The following LRRTM3 variants were observed in gnomAD, a reference collection of about 807,000 sequenced individuals.
The protein encoded by LRRTM3 is leucine rich repeat transmembrane neuronal 3.
Under a neutral mutation model 44.7 loss-of-function variants are expected in LRRTM3, and 24 were observed. The ratio of observed to expected loss-of-function variants is 0.54; its 90% CI spans 0.39 to 0.76. LRRTM3 has a LOEUF of 0.76. LRRTM3 is among the 30% of genes least tolerant of loss of function. LRRTM3 has a pLI of 0.00. For missense variants in LRRTM3, 587 were observed against 702.2 expected (o/e 0.84, Z 1.85); for synonymous variants, 277 against 278.7 (o/e 0.99, Z 0.06).
chr10:67,037,943 G>A (rs1854164276), intron 2 of LRRTM3, among the ~76,000 whole-genome samples: 2 of 152,012 alleles, frequency 1.3e-5, no homozygotes. Flanking sequence ...ATTCAAACAG[G>A]AGGCAGAGAA....
At chr10:66,997,578 A>G (rs1564820978) in intron 2 of LRRTM3, among the ~76,000 whole-genome samples, 1 of 152,148 alleles carries the variant, frequency 6.6e-6, no homozygotes, top group East Asian at 1.9e-4. Flanking sequence ...ATGTAACTAA[A>G]TACTCCTATA....
chr10:66,981,386 G>A (rs562297438), intron 2 of LRRTM3, among the ~76,000 whole-genome samples: 14 of 152,306 alleles, frequency 9.2e-5, no homozygotes, highest in African/African-American at 3.4e-4. Context: ...AAGTCACCCT[G>A]CATTCTGCAC....
Position 66,928,104 on chromosome 10 carries a change from C to T in LRRTM3, c.1188C>T (p.Pro396=), listed in dbSNP as rs1431867362. The T allele has an allele frequency of 5.6e-6, 9 of 1,613,942 alleles. No individual in the cohort carries two copies. The Admixed American group carries it at 1.3e-4, about 24-fold the overall frequency. The part of the protein sequence containing the change: ...RPKHESKPPL[P]PTVGATEPGP... ...AGCATGAGAGCAAACCCCCTTTGCC[C>T]CCGACGGTGGGAGCCACAGAGCCCG... is the stretch of plus-strand genomic sequence containing the variant. Residue 396 remains proline, a synonymous_variant, in exon 2 of 3, where the codon CCC becomes CCT. Transcript: ENST00000361320.
At position 66,971,510 on chromosome 10, in the gene LRRTM3, A is replaced by G. The variant is rs1330459886; in HGVS notation, c.1536+43058A>G. On this transcript the variant is annotated intron_variant, in intron 2 of 2. Coordinates refer to ENST00000361320, the MANE Select transcript of LRRTM3 (RefSeq NM_178011.5). ...CTTAAATCCCAATTGTACTCTTTAT[A>G]ATTTGTATGGCTTTGTGCCAGTTTT... is the stretch of plus-strand genomic sequence containing the variant. 2.0e-5 allele frequency among the ~76,000 whole-genome samples: 3 copies of G among 152,304 alleles called. No homozygotes were observed. The East Asian group carries it at 5.8e-4, about 29-fold the overall frequency.
At chr10:66,995,061 T>C (rs1851254030) in intron 2 of LRRTM3, among the ~76,000 whole-genome samples, 1 of 152,156 alleles carries the variant, frequency 6.6e-6, no homozygotes, top group South Asian at 2.1e-4. Flanking sequence ...TCTAGATCTC[T>C]AGCCCAAGAT....
chr10:67,060,339 T>C (rs1855691187), intron 2 of LRRTM3, among the ~76,000 whole-genome samples: 1 of 152,160 alleles, frequency 6.6e-6, no homozygotes, highest in Non-Finnish European at 1.5e-5. Flanking sequence ...AAAAAAATTC[T>C]GTAAATGTAT....
intron 2 of LRRTM3, among the ~76,000 whole-genome samples, chr10:66,949,914 G>A (rs141342188): frequency 2.0e-4 from 31 of 152,262 alleles, no homozygotes; most frequent in Middle Eastern, 3.4e-3. Flanking sequence ...TCAGAATCAC[G>A]GGCCTAAAGC....
chr10:66,935,507 G>A (rs1847646095), intron 2 of LRRTM3, among the ~76,000 whole-genome samples: 1 of 151,860 alleles, frequency 6.6e-6, no homozygotes, highest in Non-Finnish European at 1.5e-5. Context: ...ACCAATAGAG[G>A]GTTAGGTAAC....
chr10:67,010,848 TA>T (rs1462529548), intron 2 of LRRTM3, among the ~76,000 whole-genome samples: 1 of 152,240 alleles, frequency 6.6e-6, no homozygotes, highest in African/African-American at 2.4e-5. Flanking sequence ...TTGTAGATAC[TA>T]ATTAAATATT....
At chr10:67,009,326 A>G (rs1852186948) in intron 2 of LRRTM3, among the ~76,000 whole-genome samples, 1 of 151,364 alleles carries the variant, frequency 6.6e-6, no homozygotes, top group African/African-American at 2.4e-5. Context: ...ATTTTATGGG[A>G]TTTTTTTCAA....
rs1858193733 is a variant in LRRTM3, at chr10:67,099,266, T to G, written c.*1470T>G. Reference sequence around the variant, plus strand: ...AATCAACTTGTTTGTGCTGTTTGCTTGACATAGGTTATTGTTTGAAAATAT... The same window carrying G: ...AATCAACTTGTTTGTGCTGTTTGCTGGACATAGGTTATTGTTTGAAAATAT... On this transcript the variant is annotated 3_prime_UTR_variant, in exon 3 of 3. Coordinates refer to ENST00000361320, the MANE Select transcript of LRRTM3 (RefSeq NM_178011.5). The G allele has an allele frequency of 6.6e-6, 1 of 151,774 alleles. No homozygotes were observed. Among genetic ancestry groups the G allele is most frequent in the South Asian group, 2.1e-4 (1 of 4,828 alleles). 9.4% of individuals were successfully genotyped at this position (151,774 alleles called of 1,614,324 possible). A position where few individuals can be genotyped will look rare whatever the true frequency, so the allele number is the denominator to read the frequency against.
chr10:66,936,459 TG>T (rs1458234434), intron 2 of LRRTM3, among the ~76,000 whole-genome samples: 1 of 152,120 alleles, frequency 6.6e-6, no homozygotes, highest in Non-Finnish European at 1.5e-5. Flanking sequence ...GTTTTCCTGG[TG>T]TTTTTTTGTT....
chr10:67,042,878 G>A (rs1156693010), intron 2 of LRRTM3, among the ~76,000 whole-genome samples: 1 of 152,116 alleles, frequency 6.6e-6, no homozygotes, highest in Admixed American at 6.5e-5. Flanking sequence ...AAGGGCAATA[G>A]ACCAGAGGGT....
chr10:67,075,198 T>G (rs1217329586), intron 2 of LRRTM3, among the ~76,000 whole-genome samples: 3 of 93,056 alleles, frequency 3.2e-5, no homozygotes, highest in African/African-American at 1.3e-4. Flanking sequence ...ACTCACACAC[T>G]ACTATTTAAA....
At chr10:67,070,098 G>A (rs1306224039) in intron 2 of LRRTM3, among the ~76,000 whole-genome samples, 1 of 152,132 alleles carries the variant, frequency 6.6e-6, no homozygotes, top group Non-Finnish European at 1.5e-5. Context: ...TCTCGTCAGT[G>A]TGTAGTATTA....
intron 2 of LRRTM3, among the ~76,000 whole-genome samples, chr10:66,972,928 T>C (rs1849810340): frequency 6.6e-6 from 1 of 152,062 alleles, no homozygotes; most frequent in African/African-American, 2.4e-5. Flanking sequence ...ACAAGTTTCA[T>C]AGATTAAAAA....
intron 2 of LRRTM3, among the ~76,000 whole-genome samples, chr10:66,964,888 G>T (rs965677605): frequency 6.6e-6 from 1 of 152,030 alleles, no homozygotes; most frequent in African/African-American, 2.4e-5. Context: ...ATTAAACCCT[G>T]ACTAATGTAA....
Position 66,966,474 on chromosome 10 carries a change from CTATGTAAT to C in LRRTM3, c.1536+38023_1536+38030del, listed in dbSNP as rs551394479. 5.5e-3 allele frequency among the ~76,000 whole-genome samples: 633 copies of C among 114,654 alleles called. 36 individuals are homozygous for C. The East Asian group carries it at 0.13, about 24-fold the overall frequency. The allele number at this position is 114,654 out of a possible 152,430, so 75.2% of individuals were successfully genotyped here. On this transcript the variant is annotated intron_variant, in intron 2 of 2. Transcript: ENST00000361320. ...TTAATATGCAGCTGGGTTAACTCGGCTATGTAATATATTTTTTTTTTCAGGATATACCT... is the reference window on the plus strand; with the variant it reads ...TTAATATGCAGCTGGGTTAACTCGGCATATTTTTTTTTTCAGGATATACCT...
chr10:66,942,800 A>G (rs1457817483), intron 2 of LRRTM3, among the ~76,000 whole-genome samples: 1 of 152,224 alleles, frequency 6.6e-6, no homozygotes, highest in African/African-American at 2.4e-5. Context: ...CTAGTGTGAA[A>G]TAATTTAGGC....
Sources: allele counts gnomAD v4.1 joint callset (sites outside exome capture counted in the v4.1 genomes callset), GRCh38; gene constraint gnomAD v4.1.1; transcripts MANE v1.5; gene names NCBI Gene and HGNC (gene_info 2026-07-23, HGNC 2026-07-21).